Variants in LRRC7 observed in about 807,000 individuals in gnomAD.
The protein encoded by LRRC7 is leucine-rich repeat-containing protein 7.
LRRC7 carries 23 observed loss-of-function variants against 175.7 expected under a neutral mutation model. That is an observed-to-expected ratio of 0.13 (90% CI 0.09 to 0.19). LRRC7 has a LOEUF of 0.19. Ranked by LOEUF, LRRC7 falls within the 10% of genes least tolerant of loss-of-function variation. LRRC7 has a pLI of 1.00. For missense variants in LRRC7, 1,354 were observed against 1,904.7 expected, an observed-to-expected ratio of 0.71 and a Z score of 5.38; for synonymous variants, 685 against 680.9, an observed-to-expected ratio of 1.01 and a Z score of -0.09.
At chr1:70,107,661 T>G in intron 25 of LRRC7, 91 bp from the exon 26 acceptor site, 1 of 918,408 alleles carries the variant, frequency 1.1e-6, no homozygotes, top group Non-Finnish European at 1.8e-6. Context: ...TCTGGATCTG[T>G]TTTCACTGTT....
intron 2 of LRRC7, among the ~76,000 whole-genome samples, chr1:69,729,311 C>G (rs187302661): frequency 6.6e-6 from 1 of 152,150 alleles, no homozygotes. Context: ...TTCACTTATT[C>G]CAGCATTATC....
At chr1:69,597,603 C>T (rs1646895145) in intron 1 of LRRC7, among the ~76,000 whole-genome samples, 1 of 151,994 alleles carries the variant, frequency 6.6e-6, no homozygotes, top group African/African-American at 2.4e-5. Context: ...GCATAATGTC[C>T]GTAGCACCTA....
At chr1:69,760,151 A>T in intron 2 of LRRC7, 40 bp from the exon 3 acceptor site, 1 of 1,600,938 alleles carries the variant, frequency 6.2e-7, no homozygotes, top group Non-Finnish European at 8.5e-7. Flanking sequence ...AGGGCACTGG[A>T]TAAGCTGTTT....
At chr1:69,738,151 AG>A (rs565477724) in intron 2 of LRRC7, among the ~76,000 whole-genome samples, 37 of 152,178 alleles carry the variant, frequency 2.4e-4, no homozygotes, top group African/African-American at 7.9e-4. Flanking sequence ...TGTCTCACTG[AG>A]ACCACCAAAA....
chr1:69,936,081 A>T (rs1647986494), intron 8 of LRRC7, among the ~76,000 whole-genome samples: 1 of 152,058 alleles, frequency 6.6e-6, no homozygotes, highest in African/African-American at 2.4e-5. Context: ...TATGAGTATC[A>T]CCTCTTAACA....
chr1:69,926,331 G>A (rs1451441103), intron 7 of LRRC7, among the ~76,000 whole-genome samples: 2 of 131,278 alleles, frequency 1.5e-5, no homozygotes, highest in African/African-American at 5.5e-5. Context: ...GGTCCACTTG[G>A]TGCAGAGCTG....
chr1:69,795,326 G>A (rs1675602577), intron 4 of LRRC7, among the ~76,000 whole-genome samples: 1 of 149,910 alleles, frequency 6.7e-6, no homozygotes, highest in Non-Finnish European at 1.5e-5. Context: ...GTTGCAGTGA[G>A]ATCACGCCAC....
At position 70,140,947 on chromosome 1, in the gene LRRC7, T is replaced by C. The variant is rs1393782132; in HGVS notation, c.*19060T>C. On this transcript the variant is annotated 3_prime_UTR_variant, in exon 27 of 27. Coordinates refer to ENST00000651989, the MANE Select transcript of LRRC7 (RefSeq NM_001370785.2). ...TTTCAGTCATTTTTCTATAAACAAC[T>C]TTCCTCAGTTCGCAACTGAGGTGTA... Among the ~76,000 whole-genome samples, 1 of 152,088 alleles carries C rather than the reference T, an allele frequency of 6.6e-6. No homozygotes were observed. Among genetic ancestry groups the C allele is most frequent in the Non-Finnish European group, 1.5e-5 (1 of 67,998 alleles).
chr1:69,632,574 T>C (rs539032597), intron 1 of LRRC7, among the ~76,000 whole-genome samples: 1 of 152,152 alleles, frequency 6.6e-6, no homozygotes, highest in African/African-American at 2.4e-5. Flanking sequence ...CAAATCACTG[T>C]TCTATTATCA....
chr1:69,904,156 G>C (rs958406778), intron 7 of LRRC7, among the ~76,000 whole-genome samples: 12 of 152,110 alleles, frequency 7.9e-5, no homozygotes, highest in African/African-American at 2.9e-4. Context: ...AATGGTAAGA[G>C]AATAATCTCT....
chr1:69,790,471 C>G (rs1025306889), intron 3 of LRRC7, among the ~76,000 whole-genome samples: 3 of 151,924 alleles, frequency 2.0e-5, no homozygotes, highest in Non-Finnish European at 4.4e-5. Context: ...ATAAAACAAA[C>G]AAATTGTGTT....
rs571236398 is a variant in LRRC7 at position 70,118,422 on chromosome 1, A to G, written c.4621-3358A>G. 2.6e-5 allele frequency among the ~76,000 whole-genome samples: 4 copies of G among 152,264 alleles called. No homozygotes were observed. The South Asian group carries it at 8.3e-4, about 32-fold the overall frequency. On this transcript the variant is annotated intron_variant, in intron 26 of 26. Coordinates refer to ENST00000651989, the MANE Select transcript of LRRC7 (RefSeq NM_001370785.2). ...TGTTATTTCTACCAATATTTTTAGAATAAGTTAAATTAAATGTGATAGAAA... is the reference window on the plus strand; with the variant it reads ...TGTTATTTCTACCAATATTTTTAGAGTAAGTTAAATTAAATGTGATAGAAA...
chr1:69,971,740 C>G (rs1394412312), intron 8 of LRRC7, among the ~76,000 whole-genome samples: 1 of 152,048 alleles, frequency 6.6e-6, no homozygotes, highest in African/African-American at 2.4e-5. Context: ...CAAAATACCA[C>G]CATCATTCTT....
At chr1:69,738,734 G>A (rs1356118578) in intron 2 of LRRC7, among the ~76,000 whole-genome samples, 1 of 152,058 alleles carries the variant, frequency 6.6e-6, no homozygotes, top group Non-Finnish European at 1.5e-5. Context: ...GAGAGTTTAT[G>A]TGAGAGAGAT....
At chr1:69,651,103 T>C (rs1353279380) in intron 1 of LRRC7, among the ~76,000 whole-genome samples, 1 of 152,194 alleles carries the variant, frequency 6.6e-6, no homozygotes, top group Non-Finnish European at 1.5e-5. Flanking sequence ...ATGCTGGAGG[T>C]ACCATATGAA....
intron 2 of LRRC7, among the ~76,000 whole-genome samples, chr1:69,734,706 G>A (rs11209528): frequency 0.69 from 104,933 of 151,562 alleles, 36,789 homozygotes; most frequent in East Asian, 0.92. Flanking sequence ...AAATTTCTGA[G>A]TAAGAGTTTT....
intron 22 of LRRC7, 60 bp downstream of exon 22, chr1:70,044,154 A>G (rs1660148603): frequency 2.5e-6 from 4 of 1,569,362 alleles, no homozygotes; most frequent in Non-Finnish European, 3.5e-6. Context: ...TTGTTTGTTC[A>G]CTTAATGTGT....
chr1:69,585,071 G>T (rs776892865), intron 1 of LRRC7, among the ~76,000 whole-genome samples: 40 of 152,210 alleles, frequency 2.6e-4, no homozygotes, highest in Non-Finnish European at 5.4e-4. Context: ...CTGCTAGACT[G>T]ATACACAGTT....
chr1:70,047,691 A>G (rs1186899735), intron 22 of LRRC7, among the ~76,000 whole-genome samples: 2 of 152,052 alleles, frequency 1.3e-5, no homozygotes, highest in Admixed American at 6.6e-5. Context: ...CAGATCAAGT[A>G]TGGTATATTT....
Sources: allele counts gnomAD v4.1 joint callset (sites outside exome capture counted in the v4.1 genomes callset), GRCh38; gene constraint gnomAD v4.1.1; transcripts MANE v1.5; gene names NCBI Gene and HGNC (gene_info 2026-07-23, HGNC 2026-07-21).